The following TMEM11 variants were observed in gnomAD, a reference collection of about 807,000 sequenced individuals.
The protein encoded by TMEM11 is transmembrane protein 11, mitochondrial.
In TMEM11, 1 loss-of-function variant was observed where a neutral mutation model predicts 17.0. The observed-to-expected ratio is 0.06, with a 90% CI of 0.02 to 0.28. The LOEUF is 0.28. Ranked by LOEUF, TMEM11 falls within the 10% of genes least tolerant of loss-of-function variation. The pLI is 1.00. For missense variants in TMEM11, 172 were observed against 252.9 expected, an observed-to-expected ratio of 0.68 and a Z score of 2.17; for synonymous variants, 122 against 118.1, an observed-to-expected ratio of 1.03 and a Z score of -0.21.
At chr17:21,203,172 T>C (rs550618461) in intron 1 of TMEM11, among the ~76,000 whole-genome samples, 29 of 152,320 alleles carry the variant, frequency 1.9e-4, no homozygotes, top group African/African-American at 6.5e-4. Context: ...TAGGATTCTA[T>C]AAGGCAACAG....
At chr17:21,204,435 TAAAAAAA>T (rs71160127) in intron 1 of TMEM11, among the ~76,000 whole-genome samples, 13 of 96,828 alleles carry the variant, frequency 1.3e-4, no homozygotes, top group South Asian at 3.3e-4. Context: ...TCCGTCTCAA[TAAAAAAA>T]AAAAAAAAAA....
At position 21,211,856 on chromosome 17, in the gene TMEM11, G is replaced by A. The variant is rs183647242; in HGVS notation, c.62+2235C>T. 3.0e-3 allele frequency among the ~76,000 whole-genome samples: 453 copies of A among 152,336 alleles called. 10 individuals are homozygous for A. The highest frequency in any genetic ancestry group is 6.5e-4 in the Non-Finnish European group (44 of 68,026). On this transcript the variant is annotated intron_variant, in intron 1 of 1. Transcript: ENST00000317635. ...ATGGAGCTGAGATTTGAGTCAGCAC[G>A]AATGTGACATGGAACAAAGTCATTT... is the stretch of plus-strand genomic sequence containing the variant.
intron 1 of TMEM11, among the ~76,000 whole-genome samples, chr17:21,200,135 G>A (rs986249939): frequency 5.3e-5 from 8 of 152,212 alleles, no homozygotes; most frequent in South Asian, 2.1e-4. Context: ...AAGGCCAGAC[G>A]GCAGCCCGGC....
intron 1 of TMEM11, among the ~76,000 whole-genome samples, chr17:21,203,613 A>G (rs919671302): frequency 2.0e-5 from 3 of 152,044 alleles, no homozygotes; most frequent in African/African-American, 7.2e-5. Flanking sequence ...AGGCTGAGGC[A>G]CAAGAATCAC....
intron 1 of TMEM11, among the ~76,000 whole-genome samples, chr17:21,205,087 G>C (rs1276688739): frequency 6.6e-6 from 1 of 152,086 alleles, no homozygotes; most frequent in Non-Finnish European, 1.5e-5. Context: ...GGAATCCCCT[G>C]GCAACACTAG....
At position 21,198,109 on chromosome 17, in the gene TMEM11, G is replaced by A. The variant is rs536059839; in HGVS notation, c.*215C>T. ...TCCACTGCCCAGTCGGACTTCCACA[G>A]CCTCAGACCCCCCTCTTGGGTTATG... On this transcript the variant is annotated 3_prime_UTR_variant, in exon 2 of 2. Transcript: ENST00000317635. This position sits in a 1 kb window ranked among gnomAD's most constrained non-coding sequence, Gnocchi z 6.5. 4.9e-6 allele frequency: 3 copies of A among 609,744 alleles called. No individual in the cohort carries two copies. In the South Asian group the frequency reaches 6.9e-5, roughly 14 times the overall value. 37.8% of individuals were successfully genotyped at this position (609,744 alleles called of 1,614,324 possible). A position where few individuals can be genotyped will look rare whatever the true frequency, so the allele number is the denominator to read the frequency against.
chr17:21,199,525 A>C (rs17771444), intron 1 of TMEM11, among the ~76,000 whole-genome samples: 9,167 of 152,230 alleles, frequency 0.06, 400 homozygotes, highest in Middle Eastern at 0.14. Context: ...ACAGCCTGAA[A>C]GCCATTCTTA....
At chr17:21,212,251 A>G (rs1975010450) in intron 1 of TMEM11, among the ~76,000 whole-genome samples, 1 of 152,178 alleles carries the variant, frequency 6.6e-6, no homozygotes, top group Non-Finnish European at 1.5e-5. Flanking sequence ...CTGCTGACAC[A>G]CAACATCTGC....
chr17:21,201,086 AAAT>A (rs1245342229), intron 1 of TMEM11, among the ~76,000 whole-genome samples: 1 of 152,248 alleles, frequency 6.6e-6, no homozygotes, highest in Non-Finnish European at 1.5e-5. Flanking sequence ...TTCAGCAAAC[AAAT>A]AAGCAAACCT....
chr17:21,212,791 G>A (rs1975016806), intron 1 of TMEM11, among the ~76,000 whole-genome samples: 1 of 152,198 alleles, frequency 6.6e-6, no homozygotes, highest in Non-Finnish European at 1.5e-5. Flanking sequence ...ATTACTGTTT[G>A]CATTGAATAT....
chr17:21,213,880 C>T (rs1433347989), intron 1 of TMEM11: 7 of 564,134 alleles, frequency 1.2e-5, no homozygotes, highest in Non-Finnish European at 2.2e-5. Flanking sequence ...GCCCGGCTAA[C>T]GCCCCTTCCC....
At chr17:21,211,063 A>T in intron 1 of TMEM11, 1 of 1,289,836 alleles carries the variant, frequency 7.8e-7, no homozygotes, top group Non-Finnish European at 1.0e-6. Context: ...CAGAACACAG[A>T]TACCTGCACT....
intron 1 of TMEM11, among the ~76,000 whole-genome samples, chr17:21,202,827 A>G (rs975881588): frequency 6.6e-6 from 1 of 152,212 alleles, no homozygotes; most frequent in African/African-American, 2.4e-5. Flanking sequence ...CACAGCCATA[A>G]GCAAGCACGT....
At position 21,198,346 on chromosome 17, in the gene TMEM11, A is replaced by G. The variant is rs34336938; in HGVS notation, c.557T>C (p.Ile186Thr). ...LAALVYCVKK[I>T]YELYAV Reference sequence around the variant, plus strand: ...AAATCATACGGCATAGAGTTCGTAAATCTTCTTTACACAGTACACCAGGGC... The same window carrying G: ...AAATCATACGGCATAGAGTTCGTAAGTCTTCTTTACACAGTACACCAGGGC... Residue 186 changes from isoleucine (I) to threonine (T), a missense_variant, in exon 2 of 2, where the codon ATT becomes ACT. By Grantham distance (89) the Ile-to-Thr change is moderately conservative (BLOSUM62 -1). Around this residue, in one of 2 missense-constraint regions of TMEM11, gnomAD observed 123 missense variants for 213.6 expected, o/e 0.58. Transcript: ENST00000317635. The surrounding 1 kb of genome is among the most constrained non-coding windows in gnomAD (Gnocchi z 6.5). The G allele has an allele frequency of 1.8e-4, 283 of 1,612,602 alleles. No individual in the cohort carries two copies. Among genetic ancestry groups the G allele is most frequent in the Non-Finnish European group, 2.1e-4 (244 of 1,178,746 alleles).
At chr17:21,210,782 C>A (rs1296805193) in intron 1 of TMEM11, among the ~76,000 whole-genome samples, 1 of 152,256 alleles carries the variant, frequency 6.6e-6, no homozygotes, top group Admixed American at 6.5e-5. Flanking sequence ...GGGCAGGCCA[C>A]AACAAATAAC....
chr17:21,209,426 CAT>C, intron 1 of TMEM11, among the ~76,000 whole-genome samples: 1 of 152,268 alleles, frequency 6.6e-6, no homozygotes, highest in East Asian at 1.9e-4. Context: ...GCCTAAGACA[CAT>C]GTGGCTGTTG....
At position 21,198,854 on chromosome 17, in the gene TMEM11, G is replaced by C. The variant is rs2144285139; in HGVS notation, c.63-14C>G. On this transcript the variant is annotated splice_polypyrimidine_tract_variant and intron_variant, in intron 1 of 1. Coordinates refer to ENST00000317635, the MANE Select transcript of TMEM11 (RefSeq NM_003876.3). The surrounding 1 kb of genome is among the most constrained non-coding windows in gnomAD (Gnocchi z 6.5). ...GACAAGCTCACCCTTTTGATGGAGGGGGCAGGAAAGGGAGAGAGAGAGAGA... is the reference window on the plus strand; with the variant it reads ...GACAAGCTCACCCTTTTGATGGAGGCGGCAGGAAAGGGAGAGAGAGAGAGA... The C allele has an allele frequency of 6.3e-7, 1 of 1,599,690 alleles. No individual in the cohort carries two copies. The highest frequency in any genetic ancestry group is 8.5e-7 in the Non-Finnish European group (1 of 1,171,620).
At chr17:21,213,070 G>A (rs1046742043) in intron 1 of TMEM11, 1 of 152,190 alleles carries the variant, frequency 6.6e-6, no homozygotes, top group Non-Finnish European at 1.5e-5. Context: ...CAATGAACAC[G>A]GGATGGAATC....
intron 1 of TMEM11, 94 bp downstream of exon 1, chr17:21,213,996 CA>C (rs1975033535): frequency 8.2e-7 from 1 of 1,216,002 alleles, no homozygotes; most frequent in African/African-American, 1.5e-5. Flanking sequence ...GCGGGGAAAC[CA>C]GGGAAGGAAG....
Sources: allele counts gnomAD v4.1 joint callset (sites outside exome capture counted in the v4.1 genomes callset), GRCh38; gene constraint gnomAD v4.1.1; regional missense constraint gnomAD v4.1.1; non-coding constraint Gnocchi (gnomAD v3.1); transcripts MANE v1.5; gene names NCBI Gene and HGNC (gene_info 2026-07-23, HGNC 2026-07-21).